Variants in FBN1 observed in about 807,000 individuals in gnomAD.
FBN1 encodes fibrillin 1.
In FBN1, 29 loss-of-function variants were observed where a neutral mutation model predicts 365.1. That is an observed-to-expected ratio of 0.08 (90% CI 0.06 to 0.11). FBN1 has a LOEUF of 0.11. Among genes scored for constraint, FBN1 ranks in the 10% least tolerant of loss-of-function variants. The pLI is 1.00. For missense variants in FBN1, 2,476 were observed against 3,703.2 expected (o/e 0.67, Z 8.60); for synonymous variants, 1,210 against 1,270.5 (o/e 0.95, Z 1.01).
chr15:48,621,816 G>C (rs1207581690), intron 2 of FBN1, among the ~76,000 whole-genome samples: 1 of 149,724 alleles, frequency 6.7e-6, no homozygotes, highest in Non-Finnish European at 1.5e-5. Flanking sequence ...GTGAAACCCC[G>C]TCTCTACTAA....
Position 48,516,352 on chromosome 15 carries a change from G to A in FBN1, c.1158C>T (p.Asn386=), listed in dbSNP as rs368737502. 92 of 1,613,560 alleles carry A rather than the reference G, an allele frequency of 5.7e-5. No individual in the cohort carries two copies. The highest frequency in any genetic ancestry group is 7.6e-5 in the Non-Finnish European group (90 of 1,179,890). Residue 386 remains asparagine (N), a synonymous_variant, in exon 11 of 66, where the codon AAC becomes AAT. Coordinates refer to ENST00000316623, the MANE Select transcript of FBN1 (RefSeq NM_000138.5). The part of the protein sequence containing the change: ...MCPIRATEDF[N]KLCSVPMVIP... The stretch of plus-strand genomic sequence containing the variant: ...TTACCATAGGAACAGAGCACAGCTT[G>A]TTGAAATCCTCTAGAAAAACACAAC...
chr15:48,638,037 CT>C lies in FBN1; in HGVS notation c.164+6568del, dbSNP rs72166602. 7.0e-3 allele frequency among the ~76,000 whole-genome samples: 1,012 copies of C among 144,120 alleles called. 4 individuals carry two copies. The highest frequency in any genetic ancestry group is 9.6e-3 in the Non-Finnish European group (628 of 65,174). The allele number at this position is 144,120 out of a possible 152,430, so 94.5% of individuals were successfully genotyped here. The stretch of plus-strand genomic sequence containing the variant: ...CTTCAGTTTGTTGACCACTGATAAA[CT>C]TTTTTTTTTTTTTTAAGACAGGATC... On this transcript the variant is annotated intron_variant, in intron 2 of 65. Coordinates refer to ENST00000316623, the MANE Select transcript of FBN1 (RefSeq NM_000138.5).
intron 32 of FBN1, chr15:48,476,827 C>T (rs1477540081): frequency 6.9e-6 from 1 of 145,258 alleles, no homozygotes; most frequent in African/African-American, 2.7e-5. Context: ...TGGGGTATCA[C>T]CATGTTGGTG....
At chr15:48,444,433 T>C (rs532077484) in intron 49 of FBN1, 108 bp downstream of exon 49, 21 of 1,328,696 alleles carry the variant, frequency 1.6e-5, no homozygotes, top group Non-Finnish European at 2.2e-5. Flanking sequence ...TTGCATTTGT[T>C]TCTGATAAAG....
chr15:48,517,622 A>C (rs2141332693), intron 10 of FBN1, among the ~76,000 whole-genome samples: 1 of 152,364 alleles, frequency 6.6e-6, no homozygotes, highest in South Asian at 2.1e-4. Flanking sequence ...GTTTTTAAGC[A>C]GTATCCAGGT....
chr15:48,636,318 T>C (rs185351111), intron 2 of FBN1, among the ~76,000 whole-genome samples: 92 of 152,144 alleles, frequency 6.0e-4, no homozygotes, highest in African/African-American at 2.1e-3. Flanking sequence ...TGAGACTATA[T>C]AAAGGAGAAT....
intron 2 of FBN1, among the ~76,000 whole-genome samples, chr15:48,634,752 A>T (rs968979300): frequency 2.6e-5 from 4 of 151,714 alleles, no homozygotes; most frequent in Non-Finnish European, 4.4e-5. Flanking sequence ...AAAGAAGATG[A>T]AACAATGATG....
chr15:48,534,470 G>C (rs529996417), intron 7 of FBN1, among the ~76,000 whole-genome samples: 1 of 152,308 alleles, frequency 6.6e-6, no homozygotes, highest in South Asian at 2.1e-4. Context: ...GTAGAGGAGA[G>C]TGCATTAACT....
intron 63 of FBN1, among the ~76,000 whole-genome samples, chr15:48,417,269 C>G (rs1421494532): frequency 6.6e-6 from 1 of 151,874 alleles, no homozygotes; most frequent in Non-Finnish European, 1.5e-5. Context: ...AATTAGAAAA[C>G]AGGTGGATAA....
intron 43 of FBN1, 82 bp from the exon 44 acceptor site, chr15:48,456,844 G>A: frequency 1.3e-5 from 8 of 626,634 alleles, no homozygotes; most frequent in Non-Finnish European, 1.7e-5. Flanking sequence ...AAGTGCGTGC[G>A]TGTGTGTGTG....
chr15:48,495,193 G>A lies in FBN1; in HGVS notation c.2607C>T (p.Ala869=). 1 of 1,614,142 alleles carries A rather than the reference G, an allele frequency of 6.2e-7. No individual in the cohort carries two copies. Among genetic ancestry groups the A allele is most frequent in the Non-Finnish European group, 8.5e-7 (1 of 1,180,006 alleles). The change falls in exon 22 of 66, where the codon GCC becomes GCT. Residue 869 remains alanine (A), a synonymous_variant. Coordinates refer to ENST00000316623, the MANE Select transcript of FBN1 (RefSeq NM_000138.5). ...AGGAGCAGCACTGGGACTTTAAGGT[G>A]GCTCCATTGATGTTGATCTCACATC... ...DGRCEINING[A]TLKSQCCSSL...
At chr15:48,495,067 T>C in intron 22 of FBN1, 56 bp downstream of exon 22, 1 of 1,609,352 alleles carries the variant, frequency 6.2e-7, no homozygotes, top group East Asian at 2.2e-5. Flanking sequence ...AGGCTTCCCC[T>C]TTTTATGCAA....
chr15:48,498,608 A>AGAAT (rs1453420247), intron 18 of FBN1, among the ~76,000 whole-genome samples: 1 of 152,212 alleles, frequency 6.6e-6, no homozygotes, highest in Non-Finnish European at 1.5e-5. Context: ...ATGCAGATGG[A>AGAAT]GAATGGTTCA....
intron 6 of FBN1, among the ~76,000 whole-genome samples, chr15:48,572,563 A>G (rs531849329): frequency 7.2e-5 from 11 of 152,204 alleles, no homozygotes; most frequent in African/African-American, 2.6e-4. Context: ...TAGGAAGCAA[A>G]GAGCCCCCAA....
intron 23 of FBN1, among the ~76,000 whole-genome samples, chr15:48,493,360 CTG>C (rs1316547354): frequency 6.6e-6 from 1 of 152,094 alleles, no homozygotes; most frequent in Non-Finnish European, 1.5e-5. Flanking sequence ...CTCATACACA[CTG>C]TGTCTCTATT....
chr15:48,476,611 T>A (rs1216678537), intron 32 of FBN1: 2 of 86,494 alleles, frequency 2.3e-5, no homozygotes, highest in Admixed American at 1.2e-4. Flanking sequence ...TTTTCTTTTC[T>A]TTTTTTTTTT....
At chr15:48,429,289 A>T (rs955899916) in intron 56 of FBN1, among the ~76,000 whole-genome samples, 6 of 152,214 alleles carry the variant, frequency 3.9e-5, no homozygotes, top group African/African-American at 1.4e-4. Context: ...GTCTAGATTA[A>T]TCTTCAGATT....
In FBN1 at chr15:48,422,830, G is replaced by T. The variant is rs539116680; in HGVS notation, c.7454-762C>A. Among the ~76,000 whole-genome samples the T allele has an allele frequency of 1.5e-3, 224 of 152,180 alleles. 1 individual carries two copies. The highest frequency in any genetic ancestry group is 5.1e-3 in the African/African-American group (212 of 41,508). The stretch of plus-strand genomic sequence containing the variant: ...AAAAATTAGCTGGGTGTGGTGGTGT[G>T]TGCATGTAATCCCAGCTACCTGGGA... On this transcript the variant is annotated intron_variant, in intron 60 of 65. Transcript: ENST00000316623.
intron 1 of FBN1, among the ~76,000 whole-genome samples, 177 bp downstream of exon 1, chr15:48,645,398 C>CGGGCCAGGAAGCTGTCAGGCAGGGGA (rs1167313389): frequency 1.3e-5 from 2 of 152,258 alleles, no homozygotes; most frequent in Non-Finnish European, 2.9e-5. Context: ...CCAAGAGCCC[C>CGGGCCAGGAAGCTGTCAGGCAGGGGA]GGGCCAGGAA....
Sources: gnomAD v4.1 joint callset for allele counts (sites outside exome capture counted in the v4.1 genomes callset) on GRCh38, gnomAD v4.1.1 for gene constraint, MANE v1.5 for transcripts, NCBI Gene and HGNC (gene_info 2026-07-23, HGNC 2026-07-21) for gene names.